The following SYN3 variants were observed in gnomAD, a reference collection of about 807,000 sequenced individuals.
SYN3 encodes the protein synapsin III, also known as synapsin-3.
Under a neutral mutation model 65.8 loss-of-function variants are expected in SYN3, and 35 were observed. The observed-to-expected ratio is 0.53, with a 90% confidence interval of 0.41 to 0.70. The LOEUF (loss-of-function observed/expected upper bound fraction) is 0.70, where lower values mean the gene tolerates loss of function less well. Ranked by LOEUF, SYN3 falls within the 30% of genes least tolerant of loss-of-function variation. The pLI, the probability that SYN3 is intolerant of heterozygous loss-of-function variation, is 0.00. For missense variants in SYN3, 680 were observed against 749.0 expected (o/e 0.91, Z 1.08); for synonymous variants, 270 against 292.9 (o/e 0.92, Z 0.80).
chr22:32,920,581 G>A (rs903253175), intron 4 of SYN3, among the ~76,000 whole-genome samples: 1 of 152,202 alleles, frequency 6.6e-6, no homozygotes, highest in East Asian at 1.9e-4. Context: ...TAACCAACTT[G>A]TGTACAATGC....
In SYN3 at chr22:32,618,812, AAGTGGGCCAC is replaced by A. The variant is rs887835700; in HGVS notation, c.712-22086_712-22077del. ...CCTACCTTGAACAGCTGAAAGTTCA[AAGTGGGCCAC>A]AGCTCCTTAAGCTCAGCTCTCTAGG... On this transcript the variant is annotated intron_variant, in intron 6 of 13. Transcript: ENST00000358763. 3.3e-5 allele frequency among the ~76,000 whole-genome samples: 5 copies of A among 152,286 alleles called. No homozygotes were observed. In the East Asian group the frequency reaches 5.8e-4, roughly 18 times the overall value.
chr22:32,988,804 G>T (rs1014573234), intron 2 of SYN3, among the ~76,000 whole-genome samples: 1 of 152,114 alleles, frequency 6.6e-6, no homozygotes, highest in Non-Finnish European at 1.5e-5. Flanking sequence ...AAGGACACGG[G>T]CAAGGGCAAA....
intron 4 of SYN3, among the ~76,000 whole-genome samples, chr22:32,908,574 C>T (rs752085516): frequency 6.6e-6 from 1 of 152,086 alleles, no homozygotes; most frequent in Non-Finnish European, 1.5e-5. Context: ...CCTTTAACCA[C>T]AGATTGGCAA....
intron 6 of SYN3, among the ~76,000 whole-genome samples, chr22:32,746,168 A>G (rs713959): frequency 0.81 from 123,621 of 152,006 alleles, 51,076 homozygotes; most frequent in African/African-American, 0.94. Flanking sequence ...GCAGGAGCCC[A>G]CATAGACTGT....
intron 6 of SYN3, chr22:32,859,623 C>A: frequency 1.8e-6 from 1 of 549,790 alleles, no homozygotes; most frequent in Non-Finnish European, 3.2e-6. Context: ...TGGTGCCATG[C>A]CAGAAAGAAT....
At chr22:32,790,256 A>G (rs913474068) in intron 6 of SYN3, among the ~76,000 whole-genome samples, 2 of 152,216 alleles carry the variant, frequency 1.3e-5, no homozygotes, top group African/African-American at 4.8e-5. Flanking sequence ...GCACATCATT[A>G]TATAATATTT....
At position 32,743,742 on chromosome 22, in the gene SYN3, T is replaced by A. The variant is rs181403603; in HGVS notation, c.711+121173A>T. On this transcript the variant is annotated intron_variant, in intron 6 of 13. Transcript: ENST00000358763. ...GCCCGCCTGGGAGGTCAACATCTCC[T>A]CCCTCTCCTGTTCCTTCCCTCCTGG... Among the ~76,000 whole-genome samples, 4 of 152,198 alleles carry A rather than the reference T, an allele frequency of 2.6e-5. No individual in the cohort carries two copies. In the East Asian group the frequency reaches 7.7e-4, roughly 29 times the overall value.
At chr22:32,983,463 A>G (rs1042484821) in intron 2 of SYN3, among the ~76,000 whole-genome samples, 5 of 152,286 alleles carry the variant, frequency 3.3e-5, no homozygotes, top group Non-Finnish European at 7.4e-5. Flanking sequence ...ACCTACTCTT[A>G]GCTGATGCTG....
chr22:32,889,635 T>C (rs545340916), intron 4 of SYN3, among the ~76,000 whole-genome samples: 81 of 152,300 alleles, frequency 5.3e-4, no homozygotes, highest in African/African-American at 1.9e-3. Flanking sequence ...GTAAATAAAA[T>C]AGAATTATAC....
At chr22:32,955,750 T>A (rs8139676) in intron 3 of SYN3, among the ~76,000 whole-genome samples, 1 of 151,932 alleles carries the variant, frequency 6.6e-6, no homozygotes, top group African/African-American at 2.4e-5. Flanking sequence ...CCAAAGGAGA[T>A]TAACATTTGA....
chr22:32,633,907 G>C (rs1261210379), intron 6 of SYN3, among the ~76,000 whole-genome samples: 1 of 151,858 alleles, frequency 6.6e-6, no homozygotes, highest in Non-Finnish European at 1.5e-5. Context: ...TTACAGGTGT[G>C]AGCCACCCAA....
chr22:32,678,109 A>G (rs1475837410), intron 6 of SYN3, among the ~76,000 whole-genome samples: 3 of 152,154 alleles, frequency 2.0e-5, no homozygotes, highest in Admixed American at 6.5e-5. Flanking sequence ...GCAATTGGAT[A>G]GGCATCTTTA....
intron 6 of SYN3, among the ~76,000 whole-genome samples, chr22:32,851,296 A>G (rs1254957341): frequency 6.6e-6 from 1 of 152,160 alleles, no homozygotes; most frequent in Non-Finnish European, 1.5e-5. Flanking sequence ...TGAGAGGGAA[A>G]TAGCTGGGAG....
intron 1 of SYN3, chr22:33,014,507 AG>A (rs1482620251): frequency 1.3e-5 from 2 of 152,222 alleles, no homozygotes; most frequent in Non-Finnish European, 2.9e-5. Flanking sequence ...CCCGCCGGAC[AG>A]GGTGGCTCAC....
At chr22:32,747,357 C>T (rs1051784815) in intron 6 of SYN3, among the ~76,000 whole-genome samples, 3 of 111,058 alleles carry the variant, frequency 2.7e-5, no homozygotes, top group Non-Finnish European at 5.8e-5. Context: ...GAGGTGATGT[C>T]CATGGGTCTG....
intron 6 of SYN3, among the ~76,000 whole-genome samples, chr22:32,718,986 T>C (rs1330930861): frequency 2.0e-5 from 3 of 152,232 alleles, no homozygotes; most frequent in Non-Finnish European, 4.4e-5. Flanking sequence ...GTCCACTTCT[T>C]ATTCCAGGAA....
At chr22:32,585,065 G>A (rs1320333526) in intron 7 of SYN3, among the ~76,000 whole-genome samples, 1 of 152,164 alleles carries the variant, frequency 6.6e-6, no homozygotes, top group East Asian at 1.9e-4. Context: ...CTGTGACCTT[G>A]GGCAGAATGA....
intron 3 of SYN3, among the ~76,000 whole-genome samples, chr22:32,966,347 G>T (rs1427254015): frequency 6.6e-6 from 1 of 152,176 alleles, no homozygotes; most frequent in Non-Finnish European, 1.5e-5. Flanking sequence ...AAGGCATGGA[G>T]ATGTGACTCC....
chr22:32,690,614 C>T (rs2147152798), intron 6 of SYN3, among the ~76,000 whole-genome samples: 1 of 152,170 alleles, frequency 6.6e-6, no homozygotes, highest in East Asian at 1.9e-4. Flanking sequence ...ACTAACTGCA[C>T]TGTCCCCAGC....
Sources: allele counts gnomAD v4.1 joint callset (sites outside exome capture counted in the v4.1 genomes callset), GRCh38; gene constraint gnomAD v4.1.1; transcripts MANE v1.5; gene names NCBI Gene and HGNC (gene_info 2026-07-23, HGNC 2026-07-21).